Variants in ITGA9 observed in about 807,000 individuals in gnomAD.
The protein encoded by ITGA9 is integrin subunit alpha 9, also known as integrin alpha-9.
In ITGA9, 56 loss-of-function variants were observed where a neutral mutation model predicts 127.8. The ratio of observed to expected loss-of-function variants is 0.44; its 90% confidence interval spans 0.35 to 0.55. The LOEUF is 0.55. ITGA9 is among the 20% of genes least tolerant of loss of function. The pLI is 0.00. For missense variants in ITGA9, 1,196 were observed against 1,347.1 expected (o/e 0.89, Z 1.76); for synonymous variants, 508 against 514.5 (o/e 0.99, Z 0.17).
intron 8 of ITGA9, among the ~76,000 whole-genome samples, chr3:37,513,331 C>T (rs897442754): frequency 1.3e-5 from 2 of 152,152 alleles, no homozygotes; most frequent in Non-Finnish European, 2.9e-5. Flanking sequence ...TTGACTGGGG[C>T]CCTGCCTTGC....
chr3:37,684,549 C>T (rs938594484), intron 18 of ITGA9, among the ~76,000 whole-genome samples: 2 of 152,202 alleles, frequency 1.3e-5, no homozygotes, highest in African/African-American at 4.8e-5. Context: ...AATCTTGGCT[C>T]ACTGCAACCT....
intron 13 of ITGA9, among the ~76,000 whole-genome samples, chr3:37,527,285 C>T (rs956612141): frequency 2.0e-5 from 3 of 152,144 alleles, no homozygotes; most frequent in Non-Finnish European, 4.4e-5. Context: ...GCTTTTGCAC[C>T]GTTGTGAAGT....
At chr3:37,714,981 T>G (rs1701119496) in intron 18 of ITGA9, among the ~76,000 whole-genome samples, 2 of 152,208 alleles carry the variant, frequency 1.3e-5, no homozygotes, top group Non-Finnish European at 2.9e-5. Context: ...TGGGTCTCTG[T>G]GTCCTCATCT....
At chr3:37,693,978 G>T (rs1405820057) in intron 18 of ITGA9, among the ~76,000 whole-genome samples, 2 of 152,226 alleles carry the variant, frequency 1.3e-5, no homozygotes, top group African/African-American at 4.8e-5. Flanking sequence ...TGAACTTGCT[G>T]CTTGCCCTGG....
At chr3:37,568,057 ATGAGGGCCCCCG>A (rs1301312404) in intron 15 of ITGA9, among the ~76,000 whole-genome samples, 1 of 152,196 alleles carries the variant, frequency 6.6e-6, no homozygotes. Flanking sequence ...GAGGTTCTTT[ATGAGGGCCCCCG>A]TGAGGGCCCC....
rs1698210590 is a variant in ITGA9, at chr3:37,452,816, AG to A, written c.185+258del. On this transcript the variant is annotated intron_variant, in intron 1 of 27. Transcript: ENST00000264741. This position sits in a 1 kb window ranked among gnomAD's most constrained non-coding sequence, Gnocchi z 7.3. ...GTGCCTCCCTGGGGTCCCAGCCCAG[AG>A]CGTGGGGGGAGAGCCGCTAGAGTTG... Among the ~76,000 whole-genome samples the A allele has an allele frequency of 6.6e-6, 1 of 152,064 alleles. No individual in the cohort carries two copies. Among genetic ancestry groups the A allele is most frequent in the East Asian group, 1.9e-4 (1 of 5,168 alleles).
At position 37,452,637 on chromosome 3, in the gene ITGA9, T is replaced by C; in HGVS notation, c.185+78T>C. The C allele has an allele frequency of 1.6e-6, 2 of 1,242,494 alleles. No individual in the cohort carries two copies. Among genetic ancestry groups the C allele is most frequent in the Non-Finnish European group, 1.1e-6 (1 of 942,080 alleles). The allele number at this position is 1,242,494 out of a possible 1,614,324, so 77.0% of individuals were successfully genotyped here. On this transcript the variant is annotated intron_variant, in intron 1 of 27. Transcript: ENST00000264741. The surrounding 1 kb of genome is among the most constrained non-coding windows in gnomAD (Gnocchi z 7.3). ...CCCCAGGCCAGCGCCGCCGCCGCCT[T>C]TCCGGTCTCTTCCACGCCGCCGTCC...
intron 21 of ITGA9, 112 bp downstream of exon 21, chr3:37,741,931 C>T (rs1405950922): frequency 6.4e-6 from 5 of 783,470 alleles, no homozygotes; most frequent in Non-Finnish European, 1.1e-5. Flanking sequence ...GTGCCACCTC[C>T]ACTTCCTCCC....
intron 15 of ITGA9, among the ~76,000 whole-genome samples, chr3:37,588,318 C>A (rs1267884274): frequency 7.0e-6 from 1 of 142,990 alleles, no homozygotes; most frequent in Non-Finnish European, 1.5e-5. Context: ...CAGCCCCCAG[C>A]CCACCCCCCC....
intron 15 of ITGA9, among the ~76,000 whole-genome samples, chr3:37,560,538 C>A (rs778975080): frequency 1.3e-5 from 2 of 152,208 alleles, no homozygotes; most frequent in Non-Finnish European, 2.9e-5. Context: ...CTGTCTTCCA[C>A]AATGGTTGAA....
chr3:37,489,912 C>T (rs1266741858), intron 4 of ITGA9, among the ~76,000 whole-genome samples: 3 of 152,148 alleles, frequency 2.0e-5, no homozygotes, highest in Non-Finnish European at 4.4e-5. Context: ...ATGGTGAGAG[C>T]ACACCTGGAC....
chr3:37,723,738 G>T (rs182567210), intron 18 of ITGA9, among the ~76,000 whole-genome samples: 2 of 152,186 alleles, frequency 1.3e-5, no homozygotes, highest in Admixed American at 6.5e-5. Context: ...CGACGGCAGC[G>T]CTGTGTTTGC....
At chr3:37,552,276 T>C (rs1863594) in intron 15 of ITGA9, among the ~76,000 whole-genome samples, 27,447 of 152,064 alleles carry the variant, frequency 0.18, 3,467 homozygotes, top group African/African-American at 0.36. Flanking sequence ...TGCTTAAGTC[T>C]GTTTTAGATG....
chr3:37,767,201 A>G (rs1168579976), intron 23 of ITGA9, among the ~76,000 whole-genome samples: 1 of 152,210 alleles, frequency 6.6e-6, no homozygotes, highest in Non-Finnish European at 1.5e-5. Context: ...ATTGTTCATG[A>G]AATAATGGCA....
In ITGA9 at chr3:37,597,254, G is replaced by C. The variant is rs988428743; in HGVS notation, c.1690-31933G>C. 6.6e-6 allele frequency among the ~76,000 whole-genome samples: 1 copy of C among 152,234 alleles called. No homozygotes were observed. The highest frequency in any genetic ancestry group is 1.5e-5 in the Non-Finnish European group (1 of 68,038). Reference sequence around the variant, plus strand: ...CTAAGAGTGATCCAAGAGATAGTGGGACCTGCTCAAGGTTTCATCCAGGAG... The same window carrying C: ...CTAAGAGTGATCCAAGAGATAGTGGCACCTGCTCAAGGTTTCATCCAGGAG... On this transcript the variant is annotated intron_variant, in intron 15 of 27. Coordinates refer to ENST00000264741, the MANE Select transcript of ITGA9 (RefSeq NM_002207.3). This position sits in a 1 kb window ranked among gnomAD's most constrained non-coding sequence, Gnocchi z 4.6.
At chr3:37,495,321 A>C (rs1403380270) in intron 5 of ITGA9, among the ~76,000 whole-genome samples, 2 of 152,186 alleles carry the variant, frequency 1.3e-5, no homozygotes, top group African/African-American at 4.8e-5. Context: ...GGACACCTGC[A>C]TGCTTATGTG....
intron 15 of ITGA9, among the ~76,000 whole-genome samples, chr3:37,619,201 A>C (rs1700104571): frequency 6.6e-6 from 1 of 152,176 alleles, no homozygotes. Context: ...GTAACTCCCC[A>C]TGCCTCTCCA....
chr3:37,776,278 C>G (rs141127303), intron 23 of ITGA9, among the ~76,000 whole-genome samples: 5 of 152,212 alleles, frequency 3.3e-5, no homozygotes, highest in African/African-American at 9.6e-5. Context: ...CCAAAAACCT[C>G]CATGACACAA....
chr3:37,529,332 G>A (rs11915744), intron 13 of ITGA9, among the ~76,000 whole-genome samples: 4,204 of 152,242 alleles, frequency 0.028, 84 homozygotes, highest in Non-Finnish European at 0.045. Flanking sequence ...TGGTCAGGCA[G>A]TGGTGTCAAA....
Sources: allele counts gnomAD v4.1 joint callset (sites outside exome capture counted in the v4.1 genomes callset), GRCh38; gene constraint gnomAD v4.1.1; non-coding constraint Gnocchi (gnomAD v3.1); transcripts MANE v1.5; gene names NCBI Gene and HGNC (gene_info 2026-07-23, HGNC 2026-07-21).